Variants in FBN1 observed in about 807,000 individuals in gnomAD.
The protein encoded by FBN1 is fibrillin 1.
In FBN1, 29 loss-of-function variants were observed where a neutral mutation model predicts 365.1. The observed-to-expected ratio is 0.08, with a 90% CI of 0.06 to 0.11. The LOEUF (loss-of-function observed/expected upper bound fraction) is 0.11. Ranked by LOEUF, FBN1 falls within the 10% of genes least tolerant of loss-of-function variation. The pLI is 1.00. For synonymous variants in FBN1, 1,210 were observed against 1,270.5 expected, an observed-to-expected ratio of 0.95 and a Z score of 1.01; for missense variants, 2,476 against 3,703.2, an observed-to-expected ratio of 0.67 and a Z score of 8.60.
At position 48,425,405 on chromosome 15, in the gene FBN1, C is replaced by T; in HGVS notation, c.7417G>A (p.Gly2473Ser). 1 of 1,614,154 alleles carries T rather than the reference C, an allele frequency of 6.2e-7. No homozygotes were observed. Among genetic ancestry groups the T allele is most frequent in the South Asian group, 1.1e-5 (1 of 91,082 alleles). ...CTTCCATCCTCTTGCAGAATGTAGC[C>T]TTTCGGGCATGAACACTGGTAACTC... ...EGSYQCSCPKGYILQEDGRSC... is the reference protein window; with the variant it reads ...EGSYQCSCPKSYILQEDGRSC... Residue 2473 changes from glycine to serine, a missense_variant, in exon 60 of 66, where the codon GGC becomes AGC. Gly to Ser is a moderately conservative substitution (Grantham distance 56). This residue lies in a region of FBN1 where 1,780 missense variants were observed against 2,840.8 expected (regional missense o/e 0.63). Coordinates refer to ENST00000316623, the MANE Select transcript of FBN1 (RefSeq NM_000138.5).
chr15:48,552,675 G>C (rs1225108630), intron 6 of FBN1, among the ~76,000 whole-genome samples: 1 of 152,140 alleles, frequency 6.6e-6, no homozygotes, highest in Non-Finnish European at 1.5e-5. Context: ...CACTGTGGTT[G>C]GGTTTTGCAT....
intron 9 of FBN1, 58 bp from the exon 10 acceptor site, chr15:48,520,875 CA>C (rs2043848770): frequency 6.2e-7 from 1 of 1,608,864 alleles, no homozygotes; most frequent in South Asian, 1.1e-5. Flanking sequence ...CTTGTAACAA[CA>C]CTCCCCTGCC....
At chr15:48,628,435 A>C (rs1889927304) in intron 2 of FBN1, among the ~76,000 whole-genome samples, 1 of 152,200 alleles carries the variant, frequency 6.6e-6, no homozygotes, top group African/African-American at 2.4e-5. Flanking sequence ...ACTTTTCATA[A>C]GGTTCTTGCC....
intron 6 of FBN1, among the ~76,000 whole-genome samples, chr15:48,572,987 A>AACAATGGG (rs1279921008): frequency 1.3e-5 from 2 of 152,024 alleles, no homozygotes; most frequent in African/African-American, 4.8e-5. Context: ...GAAAAGGGGG[A>AACAATGGG]ACAATGGGAG....
Position 48,644,725 on chromosome 15 carries a change from C to T in FBN1, c.45G>A (p.Val15=). The T allele has an allele frequency of 6.2e-7, 1 of 1,613,990 alleles. No homozygotes were observed. The highest frequency in any genetic ancestry group is 8.5e-7 in the Non-Finnish European group (1 of 1,180,022). The part of the protein sequence containing the change: ...RLLEIALGFT[V]LLASYTSHGA... ...CATGGCTCGTGTAGGACGCTAAAAG[C>T]ACGGTAAATCCCAGGGCGATCTCCA... The change falls in exon 2 of 66, where the codon GTG becomes GTA. Residue 15 remains valine, a synonymous_variant. Coordinates refer to ENST00000316623, the MANE Select transcript of FBN1 (RefSeq NM_000138.5).
rs1309361114 is a variant in FBN1, at chr15:48,412,740, G to A, written c.8055C>T (p.His2685=). The change falls in exon 65 of 66, where the codon CAC becomes CAT. Residue 2685 remains histidine (H), a synonymous_variant. Coordinates refer to ENST00000316623, the MANE Select transcript of FBN1 (RefSeq NM_000138.5). Reference sequence around the variant, plus strand: ...GGCCCATGCCCATTCCAGAAACACAGTGCCTGCAGCAGAAGGGGAGCATAG... The same window carrying A: ...GGCCCATGCCCATTCCAGAAACACAATGCCTGCAGCAGAAGGGGAGCATAG... ...PPGYFRIGQG[H]CVSGMGMGRG... The A allele has an allele frequency of 3.1e-6, 5 of 1,614,122 alleles. No individual in the cohort carries two copies. The highest frequency in any genetic ancestry group is 1.7e-5 in the Admixed American group (1 of 60,010).
intron 18 of FBN1, among the ~76,000 whole-genome samples, chr15:48,497,901 T>G (rs1193709773): frequency 6.6e-6 from 1 of 152,232 alleles, no homozygotes; most frequent in Admixed American, 6.5e-5. Context: ...TGTTTACTTA[T>G]CCCAGACTTC....
intron 6 of FBN1, among the ~76,000 whole-genome samples, chr15:48,566,314 A>G (rs2044258424): frequency 6.6e-6 from 1 of 152,250 alleles, no homozygotes; most frequent in Admixed American, 6.5e-5. Flanking sequence ...CATCATTTCA[A>G]CTTGGCTGAA....
chr15:48,566,464 C>T (rs1428880091), intron 6 of FBN1, among the ~76,000 whole-genome samples: 1 of 152,178 alleles, frequency 6.6e-6, no homozygotes, highest in Non-Finnish European at 1.5e-5. Context: ...GACCCCCACC[C>T]TTTCTCTTCA....
chr15:48,568,053 A>AAAGAAAGAAAGAAAGAAAGAAAGAAAG (rs2044273537), intron 6 of FBN1, among the ~76,000 whole-genome samples: 7 of 95,718 alleles, frequency 7.3e-5, no homozygotes, highest in Admixed American at 3.2e-4. Context: ...AAGAAAGAAG[A>AAAGAAAGAAAGAAAGAAAGAAAGAAAG]AAGAAAGAAA....
chr15:48,451,712 G>A (rs762704600), intron 45 of FBN1, among the ~76,000 whole-genome samples: 35 of 149,092 alleles, frequency 2.3e-4, no homozygotes, highest in Non-Finnish European at 3.8e-4. Context: ...AATATACAAT[G>A]ATTTGCTTTG....
At chr15:48,512,475 T>G (rs2043768249) in intron 13 of FBN1, among the ~76,000 whole-genome samples, 2 of 152,144 alleles carry the variant, frequency 1.3e-5, no homozygotes, top group African/African-American at 4.8e-5. Flanking sequence ...CTCTCCCTCC[T>G]CCAACCCTCC....
intron 2 of FBN1, among the ~76,000 whole-genome samples, chr15:48,631,663 T>C (rs958304750): frequency 1.3e-5 from 2 of 152,248 alleles, no homozygotes; most frequent in Middle Eastern, 3.4e-3. Flanking sequence ...CTCCGCGAGA[T>C]CTGACATGAG....
At chr15:48,491,797 G>A (rs534248646) in intron 24 of FBN1, among the ~76,000 whole-genome samples, 21 of 152,338 alleles carry the variant, frequency 1.4e-4, no homozygotes, top group African/African-American at 4.8e-4. Flanking sequence ...GCAGGCAGAA[G>A]CCATAGTAGT....
At chr15:48,432,723 C>T (rs1049468796) in intron 55 of FBN1, 143 bp downstream of exon 55, 16 of 1,027,252 alleles carry the variant, frequency 1.6e-5, no homozygotes, top group African/African-American at 4.7e-5. Context: ...TAGGGGGAAA[C>T]GTGGCAGTGA....
At chr15:48,501,236 G>A (rs545362507) in intron 17 of FBN1, among the ~76,000 whole-genome samples, 2 of 152,320 alleles carry the variant, frequency 1.3e-5, no homozygotes, top group Admixed American at 6.5e-5. Context: ...CTAATAAGAG[G>A]TGATTAGGTC....
chr15:48,591,011 A>G (rs2044472765), intron 6 of FBN1, among the ~76,000 whole-genome samples: 1 of 152,254 alleles, frequency 6.6e-6, no homozygotes, highest in Middle Eastern at 3.2e-3. Context: ...TATTCTGAGG[A>G]TACATGATGA....
intron 8 of FBN1, among the ~76,000 whole-genome samples, chr15:48,532,895 T>C (rs565685742): frequency 1.3e-5 from 2 of 152,350 alleles, no homozygotes; most frequent in Admixed American, 1.3e-4. Context: ...AATAACTATG[T>C]ATAACATGTT....
intron 18 of FBN1, among the ~76,000 whole-genome samples, chr15:48,497,984 T>G (rs1487752064): frequency 1.3e-5 from 2 of 152,180 alleles, no homozygotes; most frequent in South Asian, 4.1e-4. Context: ...TATTTACAGG[T>G]CAAAAGCCAG....
Sources: allele counts gnomAD v4.1 joint callset (sites outside exome capture counted in the v4.1 genomes callset), GRCh38; gene constraint gnomAD v4.1.1; regional missense constraint gnomAD v4.1.1; transcripts MANE v1.5; gene names NCBI Gene and HGNC (gene_info 2026-07-23, HGNC 2026-07-21).